WASHC2A: variants seen among roughly 807,000 people sequenced by gnomAD.
WASHC2A encodes the protein WASH complex subunit 2A.
Under a neutral mutation model 140.3 loss-of-function variants are expected in WASHC2A, and 82 were observed. That is an observed-to-expected ratio of 0.58 (90% confidence interval 0.49 to 0.70). WASHC2A has a LOEUF of 0.70. Among genes scored for constraint, WASHC2A ranks in the 30% least tolerant of loss-of-function variants. WASHC2A has a pLI of 0.00. For synonymous variants in WASHC2A, 340 were observed against 560.8 expected, an observed-to-expected ratio of 0.61 and a Z score of 5.56; for missense variants, 985 against 1,521.8, an observed-to-expected ratio of 0.65 and a Z score of 5.87.
chr10:50,094,643 G>A (rs1332859283), intron 13 of WASHC2A, among the ~76,000 whole-genome samples: 1 of 152,062 alleles, frequency 6.6e-6, no homozygotes, highest in Admixed American at 6.5e-5. Flanking sequence ...CCTGCTGTGC[G>A]GGCTGCTAGC....
rs1027062864 is a variant in WASHC2A at position 50,127,509 on chromosome 10, T to C, written c.2875-74T>C. Reference sequence around the variant, plus strand: ...ATTATACATTATGTGCACCGAATCTTGTCATGTGTCACAATAAAGATAATA... The same window carrying C: ...ATTATACATTATGTGCACCGAATCTCGTCATGTGTCACAATAAAGATAATA... On this transcript the variant is annotated intron_variant, in intron 27 of 30. Transcript: ENST00000282633. The C allele has an allele frequency of 4.3e-5, 69 of 1,611,792 alleles. No individual in the cohort carries two copies. In the African/African-American group the frequency reaches 7.9e-4, roughly 18 times the overall value.
rs1197313178 is a variant in WASHC2A, at chr10:50,125,128, GCCCAC to G, written c.2499_2503del (p.His833GlnfsTer9). ...CTGTTCCCAGGGCCGCGATCCTGAT[GCCCAC>G]CCCAAGAGCACAGGTGTCTTCCAGG... is the stretch of plus-strand genomic sequence containing the variant. On this transcript the variant is annotated frameshift_variant, in exon 24 of 31. Coordinates refer to ENST00000282633, the MANE Select transcript of WASHC2A (RefSeq NM_001005751.3). LOFTEE classifies it high-confidence loss of function. 2 of 1,611,624 alleles carry G rather than the reference GCCCAC, an allele frequency of 1.2e-6. No homozygotes were observed. The highest frequency in any genetic ancestry group is 2.7e-5 in the African/African-American group (2 of 74,712).
At chr10:50,126,209 T>A (rs1554894972) in intron 26 of WASHC2A, 30 bp downstream of exon 26, 1 of 1,612,552 alleles carries the variant, frequency 6.2e-7, no homozygotes, top group African/African-American at 1.3e-5. Context: ...GATTTTCAGC[T>A]CTTGTTTGCA....
intron 6 of WASHC2A, 83 bp downstream of exon 6, chr10:50,084,248 A>T: frequency 6.7e-7 from 1 of 1,500,970 alleles, no homozygotes; most frequent in South Asian, 1.2e-5. Context: ...TTAAAGTTTC[A>T]AGAATAGTTC....
At chr10:50,090,575 A>G (rs1839840913) in intron 8 of WASHC2A, among the ~76,000 whole-genome samples, 1 of 142,548 alleles carries the variant, frequency 7.0e-6, no homozygotes, top group Non-Finnish European at 1.5e-5. Flanking sequence ...ATATTTTTAT[A>G]TATATATTTT....
rs1248646134 is a variant in WASHC2A, at chr10:50,104,140, A to G, written c.1734A>G (p.Glu578=). 1.1e-5 allele frequency: 16 copies of G among 1,474,640 alleles called. No individual in the cohort carries two copies. The highest frequency in any genetic ancestry group is 5.5e-5 in the Admixed American group (3 of 54,642). The allele number at this position is 1,474,640 out of a possible 1,614,324, so 91.3% of individuals were successfully genotyped here. A position where few individuals can be genotyped will look rare whatever the true frequency, so the allele number is the denominator to read the frequency against. ...TTTCCCTGTTTGATGATGAAGATGA[A>G]GAGGTAAACATTGTTATTGTAACAC... ...TLVSLFDDED[E]EDNLFGGTAA... Residue 578 remains glutamate, a synonymous_variant, in exon 18 of 31, where the codon GAA becomes GAG. Transcript: ENST00000282633.
In WASHC2A at chr10:50,127,721, C is replaced by T. The variant is rs1242188457; in HGVS notation, c.3013C>T (p.Leu1005Phe). Reference sequence around the variant, plus strand: ...CCACGGTCTGGAAAGTGTGCCTGTCCTTCCCGGGAGTGGGGAGGCCGGTGT... The same window carrying T: ...CCACGGTCTGGAAAGTGTGCCTGTCTTTCCCGGGAGTGGGGAGGCCGGTGT... ...RSHGLESVPV[L>F]PGSGEAGVSF... Residue 1005 changes from leucine (L) to phenylalanine (F), a missense_variant, in exon 28 of 31, where the codon CTT (leucine) becomes TTT (phenylalanine). By Grantham distance (22) the Leu-to-Phe change is conservative. Coordinates refer to ENST00000282633, the MANE Select transcript of WASHC2A (RefSeq NM_001005751.3). 3.2e-6 allele frequency: 5 copies of T among 1,569,530 alleles called. No homozygotes were observed. The South Asian group carries it at 3.4e-5, about 11-fold the overall frequency.
At chr10:50,087,743 G>A (rs1263761789) in intron 8 of WASHC2A, among the ~76,000 whole-genome samples, 6 of 152,162 alleles carry the variant, frequency 3.9e-5, no homozygotes, top group Non-Finnish European at 7.3e-5. Context: ...AGCTAAAGGC[G>A]TATTCTTTTC....
chr10:50,095,242 A>T, intron 14 of WASHC2A, 35 bp downstream of exon 14: 1 of 1,476,090 alleles, frequency 6.8e-7, no homozygotes, highest in African/African-American at 1.4e-5. Flanking sequence ...TAAAAACTAC[A>T]CAAATACTGT....
Position 50,118,016 on chromosome 10 carries a change from G to A in WASHC2A, c.2253G>A (p.Glu751=). The A allele has an allele frequency of 1.2e-6, 2 of 1,606,992 alleles. No individual in the cohort carries two copies. Among genetic ancestry groups the A allele is most frequent in the Non-Finnish European group, 1.7e-6 (2 of 1,177,092 alleles). Residue 751 remains glutamate (E), a synonymous_variant, in exon 22 of 31, where the codon GAG becomes GAA. Coordinates refer to ENST00000282633, the MANE Select transcript of WASHC2A (RefSeq NM_001005751.3). The part of the protein sequence containing the change: ...SVDKKVESAK[E]SLKFGRTDVA... ...ATAAGAAGGTTGAGAGTGCCAAGGA[G>A]TCATTAAAATTTGGGAGAACTGATG...
intron 20 of WASHC2A, chr10:50,112,192 C>T: frequency 1.0e-6 from 1 of 980,222 alleles, no homozygotes; most frequent in Non-Finnish European, 1.2e-6. Context: ...CCCCACCCCA[C>T]ACAAGGTCAT....
chr10:50,099,257 A>G (rs1172841689), intron 16 of WASHC2A, among the ~76,000 whole-genome samples: 1 of 145,760 alleles, frequency 6.9e-6, no homozygotes, highest in African/African-American at 2.5e-5. Flanking sequence ...ATCCATTACC[A>G]TCATTCTTCT....
At chr10:50,095,838 G>A in intron 15 of WASHC2A, 60 bp downstream of exon 15, 2 of 1,551,484 alleles carry the variant, frequency 1.3e-6, no homozygotes, top group Non-Finnish European at 1.7e-6. Context: ...TGCCTAAAAA[G>A]AACATAAGCT....
At chr10:50,103,346 T>G (rs1243535347) in intron 17 of WASHC2A, among the ~76,000 whole-genome samples, 23 of 151,560 alleles carry the variant, frequency 1.5e-4, no homozygotes, top group African/African-American at 4.6e-4. Flanking sequence ...GATCACAAGG[T>G]CAGGAGATCG....
chr10:50,097,852 A>G (rs1840639932), intron 16 of WASHC2A, 50 bp downstream of exon 16: 1 of 1,611,468 alleles, frequency 6.2e-7, no homozygotes, highest in Non-Finnish European at 8.5e-7. Context: ...GCCGCATTTT[A>G]ATAATTCATC....
At chr10:50,111,462 C>T (rs1453931337) in intron 20 of WASHC2A, among the ~76,000 whole-genome samples, 1 of 151,964 alleles carries the variant, frequency 6.6e-6, no homozygotes, top group Non-Finnish European at 1.5e-5. Context: ...GGGCAAGTTA[C>T]CTAACTTCCC....
intron 3 of WASHC2A, among the ~76,000 whole-genome samples, chr10:50,070,025 A>G (rs1554875680): frequency 6.6e-6 from 1 of 152,168 alleles, no homozygotes; most frequent in Non-Finnish European, 1.5e-5. Context: ...GTGATCTGTA[A>G]GGACAGCTGT....
chr10:50,121,964 G>A (rs1296968085), intron 23 of WASHC2A, among the ~76,000 whole-genome samples: 12,368 of 65,170 alleles, frequency 0.19, 1,899 homozygotes, highest in Middle Eastern at 0.36. Context: ...ATCTCTATCA[G>A]AATTCCAGCT....
chr10:50,129,394 A>C, intron 28 of WASHC2A, 25 bp from the exon 29 acceptor site: 1 of 1,612,014 alleles, frequency 6.2e-7, no homozygotes, highest in Non-Finnish European at 8.5e-7. Context: ...TCGTCAGATC[A>C]ATGTGTGTTT....
Sources: gnomAD v4.1 joint callset for allele counts (sites outside exome capture counted in the v4.1 genomes callset) on GRCh38, gnomAD v4.1.1 for gene constraint, MANE v1.5 for transcripts, NCBI Gene and HGNC (gene_info 2026-07-23, HGNC 2026-07-21) for gene names.